TEX9: variants seen among roughly 807,000 people sequenced by gnomAD.
TEX9 encodes the protein testis-expressed protein 9.
In TEX9, 74 loss-of-function variants were observed where a neutral mutation model predicts 59.6. The ratio of observed to expected loss-of-function variants is 1.24; its 90% CI spans 1.03 to 1.51. TEX9 has a LOEUF of 1.51. Ranked by LOEUF, TEX9 falls within the 40% of genes most tolerant of loss-of-function variation. The pLI, the probability that TEX9 is intolerant of heterozygous loss-of-function variation, is 0.00. For missense variants in TEX9, 522 were observed against 447.8 expected (o/e 1.17, Z -1.49); for synonymous variants, 186 against 152.2 (o/e 1.22, Z -1.64).
At chr15:56,403,895 T>G (rs1203069782) in intron 9 of TEX9, among the ~76,000 whole-genome samples, 1 of 152,208 alleles carries the variant, frequency 6.6e-6, no homozygotes, top group African/African-American at 2.4e-5. Flanking sequence ...GAGTCCCTAT[T>G]TAATAAATGG....
intron 1 of TEX9, among the ~76,000 whole-genome samples, chr15:56,281,706 A>T (rs369264379): frequency 2.6e-5 from 4 of 152,198 alleles, no homozygotes; most frequent in African/African-American, 9.7e-5. Flanking sequence ...TAATTTTGTA[A>T]TATTTTTGCA....
At chr15:56,395,147 C>A in intron 9 of TEX9, 1 of 336,070 alleles carries the variant, frequency 3.0e-6, no homozygotes, top group East Asian at 4.6e-5. Flanking sequence ...CAATCCCTTA[C>A]AGCCCTAGGC....
At chr15:56,275,760 T>C (rs560309995) in intron 1 of TEX9, among the ~76,000 whole-genome samples, 1 of 152,302 alleles carries the variant, frequency 6.6e-6, no homozygotes, top group East Asian at 1.9e-4. Flanking sequence ...GAACTGTACT[T>C]TTTCTAAATT....
At chr15:56,306,866 A>C (rs1406754284) in intron 1 of TEX9, among the ~76,000 whole-genome samples, 1 of 152,208 alleles carries the variant, frequency 6.6e-6, no homozygotes, top group Non-Finnish European at 1.5e-5. Flanking sequence ...GTATCCCATA[A>C]ATATATACTC....
At chr15:56,247,754 T>A (rs2043895860) in intron 1 of TEX9, among the ~76,000 whole-genome samples, 2 of 152,220 alleles carry the variant, frequency 1.3e-5, no homozygotes, top group African/African-American at 4.8e-5. Context: ...AGTATACATT[T>A]CACTTCCACA....
chr15:56,319,995 C>G (rs1567084493), intron 1 of TEX9, among the ~76,000 whole-genome samples: 1 of 152,190 alleles, frequency 6.6e-6, no homozygotes, highest in Non-Finnish European at 1.5e-5. Flanking sequence ...AGACAAAACT[C>G]TTTCCTCTAT....
chr15:56,406,866 C>T (rs903744899), intron 9 of TEX9, among the ~76,000 whole-genome samples: 2 of 152,038 alleles, frequency 1.3e-5, no homozygotes, highest in African/African-American at 2.4e-5. Flanking sequence ...TCTCTCAATC[C>T]GACTTGGATT....
chr15:56,335,114 A>G (rs1451419142), intron 1 of TEX9, among the ~76,000 whole-genome samples: 8 of 152,164 alleles, frequency 5.3e-5, no homozygotes, highest in African/African-American at 1.9e-4. Flanking sequence ...AAATTGAAAT[A>G]GAGACACTAT....
chr15:56,285,078 A>C (rs373732030), intron 1 of TEX9, among the ~76,000 whole-genome samples: 4 of 152,032 alleles, frequency 2.6e-5, no homozygotes, highest in African/African-American at 9.7e-5. Flanking sequence ...AAACTCACCC[A>C]TATTCACTTT....
chr15:56,310,181 C>T (rs184007700), intron 1 of TEX9, among the ~76,000 whole-genome samples: 6,694 of 152,222 alleles, frequency 0.044, 226 homozygotes, highest in Admixed American at 0.086. Flanking sequence ...CCTGTAATCC[C>T]GACACTTTGG....
At chr15:56,447,596 GT>G (rs1448813539), downstream of TEX9, 2 of 151,952 alleles carry the variant, frequency 1.3e-5, no homozygotes, top group African/African-American at 4.8e-5. Context: ...TACAATTAAT[GT>G]TTATATACTA....
intron 10 of TEX9, 62 bp downstream of exon 10, chr15:56,412,498 A>C: frequency 6.7e-7 from 1 of 1,481,746 alleles, no homozygotes; most frequent in Non-Finnish European, 9.1e-7. Context: ...TTTTATGAAC[A>C]TGTCAAAAAT....
At chr15:56,451,186 A>G in the TEX9 span, among the ~76,000 whole-genome samples, 3 of 152,326 alleles carry the variant, frequency 2.0e-5, no homozygotes, top group South Asian at 2.1e-4. Context: ...GGTAAAACAG[A>G]TAAGTGCCTT....
At chr15:56,287,505 C>G (rs750111814) in intron 1 of TEX9, among the ~76,000 whole-genome samples, 40 of 152,076 alleles carry the variant, frequency 2.6e-4, no homozygotes, top group Non-Finnish European at 5.3e-4. Flanking sequence ...TATTTAACAT[C>G]GTAGTACCTC....
At chr15:56,433,765 A>G (rs1035612629) in intron 12 of TEX9, among the ~76,000 whole-genome samples, 10 of 152,176 alleles carry the variant, frequency 6.6e-5, no homozygotes, top group Non-Finnish European at 2.9e-5. Flanking sequence ...AATAGCATGC[A>G]GGGTGTTCAT....
chr15:56,403,667 T>C (rs1316496306), intron 9 of TEX9, among the ~76,000 whole-genome samples: 11 of 152,196 alleles, frequency 7.2e-5, no homozygotes, highest in Non-Finnish European at 1.3e-4. Flanking sequence ...AGAGCCCTCA[T>C]TGCCAAGACA....
chr15:56,379,098 AAAAAG>A (rs1301477173), intron 3 of TEX9, among the ~76,000 whole-genome samples: 5 of 151,586 alleles, frequency 3.3e-5, no homozygotes, highest in African/African-American at 9.7e-5. Context: ...AGAAAGAAAA[AAAAAG>A]AAAAGAAAGA....
intron 1 of TEX9, among the ~76,000 whole-genome samples, chr15:56,310,151 G>T (rs2045575874): frequency 3.3e-5 from 5 of 152,224 alleles, no homozygotes; most frequent in Admixed American, 3.3e-4. Flanking sequence ...TGTTAGTGGG[G>T]CCAGGCTCAC....
intron 1 of TEX9, among the ~76,000 whole-genome samples, chr15:56,271,771 T>A (rs2044538055): frequency 6.6e-6 from 1 of 152,222 alleles, no homozygotes; most frequent in African/African-American, 2.4e-5. Flanking sequence ...GTAGAGAGGA[T>A]GTAGTCAAGT....
Sources: gnomAD v4.1 joint callset for allele counts (sites outside exome capture counted in the v4.1 genomes callset) on GRCh38, gnomAD v4.1.1 for gene constraint, MANE v1.5 for transcripts, NCBI Gene and HGNC (gene_info 2026-07-23, HGNC 2026-07-21) for gene names.